MACC1: variants seen among roughly 807,000 people sequenced by gnomAD.
MACC1 encodes the protein MET transcriptional regulator MACC1.
A neutral mutation model predicts 70.7 loss-of-function variants in MACC1; 79 were observed. That is an observed-to-expected ratio of 1.12 (90% CI 0.93 to 1.35). The LOEUF is 1.35. Ranked by LOEUF, MACC1 falls within the 40% of genes most tolerant of loss-of-function variation. The pLI is 0.00. For synonymous variants in MACC1, 361 were observed against 347.2 expected (o/e 1.04, Z -0.44); for missense variants, 1,106 against 978.1 (o/e 1.13, Z -1.74).
chr7:20,178,111 A>T (rs980805802), intron 1 of MACC1, among the ~76,000 whole-genome samples: 1 of 152,130 alleles, frequency 6.6e-6, no homozygotes, highest in African/African-American at 2.4e-5. Flanking sequence ...TTAAGATCTC[A>T]GTTTACCTAC....
chr7:20,191,791 T>G (rs185816755), intron 1 of MACC1, among the ~76,000 whole-genome samples: 1 of 152,292 alleles, frequency 6.6e-6, no homozygotes, highest in Admixed American at 6.5e-5. Flanking sequence ...CTGTGCGGTA[T>G]CAGAAACCTA....
chr7:20,190,943 G>T (rs1418946591), intron 1 of MACC1, among the ~76,000 whole-genome samples: 1 of 152,228 alleles, frequency 6.6e-6, no homozygotes, highest in Non-Finnish European at 1.5e-5. Context: ...AACAAGGGAA[G>T]ATATTAAAAA....
rs761423658 is a variant in MACC1 at position 20,158,353 on chromosome 7, C to T, written c.2008G>A (p.Val670Ile). The change falls in exon 5 of 7, where the codon GTC becomes ATC. Residue 670 changes from valine to isoleucine, a missense_variant. Val to Ile is a conservative substitution (Grantham distance 29). Transcript: ENST00000400331. The stretch of plus-strand genomic sequence containing the variant: ...AGGGACAGATGTGAGTAACCCAGGA[C>T]ATCAGCTAAAACTTTCCAATCATAA... ...KVYDWKVLAD[V>I]LGYSHLSLED... The T allele has an allele frequency of 6.2e-7, 1 of 1,613,870 alleles. No homozygotes were observed. The highest frequency in any genetic ancestry group is 1.1e-5 in the South Asian group (1 of 91,040).
chr7:20,208,688 A>G (rs913234019), intron 1 of MACC1, among the ~76,000 whole-genome samples: 1 of 152,252 alleles, frequency 6.6e-6, no homozygotes, highest in Admixed American at 6.5e-5. Context: ...GAGAAATTCA[A>G]GCCTGCTGCA....
intron 1 of MACC1, among the ~76,000 whole-genome samples, chr7:20,195,766 C>T (rs1307889911): frequency 1.3e-5 from 2 of 152,124 alleles, no homozygotes; most frequent in Non-Finnish European, 2.9e-5. Context: ...TTTAATACTG[C>T]TCATCTTGAG....
At position 20,136,430 on chromosome 7, in the gene MACC1, A is replaced by T. The variant is rs1781718388; in HGVS notation, c.*4516T>A. ...TACAAAACTATTTATTAGGGTTAAA[A>T]CTTTCTAGATGTACATAAATAGAAA... is the stretch of plus-strand genomic sequence containing the variant. On this transcript the variant is annotated 3_prime_UTR_variant, in exon 7 of 7. Transcript: ENST00000400331. 6.6e-6 allele frequency: 1 copy of T among 152,232 alleles called. No homozygotes were observed. Among genetic ancestry groups the T allele is most frequent in the South Asian group, 2.1e-4 (1 of 4,832 alleles). 9.4% of individuals were successfully genotyped at this position (152,232 alleles called of 1,614,324 possible).
At chr7:20,189,884 AT>A (rs1287298593) in intron 1 of MACC1, among the ~76,000 whole-genome samples, 2 of 152,142 alleles carry the variant, frequency 1.3e-5, no homozygotes, top group African/African-American at 4.8e-5. Flanking sequence ...TTTTCTCACC[AT>A]TTTGGAAATT....
rs1168610058 is a variant in MACC1, at chr7:20,139,988, T to A, written c.*958A>T. 1 of 152,144 alleles carries A rather than the reference T, an allele frequency of 6.6e-6. No homozygotes were observed. Among genetic ancestry groups the A allele is most frequent in the Admixed American group, 6.5e-5 (1 of 15,282 alleles). The allele number at this position is 152,144 out of a possible 1,614,324, so 9.4% of individuals were successfully genotyped here. On this transcript the variant is annotated 3_prime_UTR_variant, in exon 7 of 7. Transcript: ENST00000400331. ...GGTGGTTTTTAATAACTCGTATTAT[T>A]AAAAATCTCCAAGAGCTAAAGAACT... is the stretch of plus-strand genomic sequence containing the variant.
chr7:20,205,289 T>C lies in MACC1; in HGVS notation c.-218+12010A>G, dbSNP rs548369567. Among the ~76,000 whole-genome samples, 22 of 152,302 alleles carry C rather than the reference T, an allele frequency of 1.4e-4. No individual in the cohort carries two copies. In the South Asian group the frequency reaches 1.9e-3, roughly 13 times the overall value. ...TGCTTAATTTCATACCAAAAGAACA[T>C]AGAAGTTGGAAAAAATAACTCAAAG... On this transcript the variant is annotated intron_variant, in intron 1 of 6. Transcript: ENST00000400331.
intron 1 of MACC1, among the ~76,000 whole-genome samples, chr7:20,195,518 G>T (rs1164120301): frequency 6.6e-6 from 1 of 152,220 alleles, no homozygotes; most frequent in Non-Finnish European, 1.5e-5. Flanking sequence ...TGACACATGC[G>T]TATTGAGCAA....
Position 20,159,985 on chromosome 7 carries a change from G to A in MACC1, c.376C>T (p.Leu126Phe). The A allele has an allele frequency of 6.2e-7, 1 of 1,614,050 alleles. No individual in the cohort carries two copies. The highest frequency in any genetic ancestry group is 8.5e-7 in the Non-Finnish European group (1 of 1,180,004). ...GAATTTCTTGAGGAAGTCTGCCTAA[G>A]TAACTGATGCACATCAAGTTCATCA... ...SGDELDVHQL[L>F]RQTSSRNSGR... Residue 126 changes from leucine (L) to phenylalanine (F), a missense_variant, in exon 5 of 7, where the codon CTT becomes TTT. Coordinates refer to ENST00000400331, the MANE Select transcript of MACC1 (RefSeq NM_182762.4).
At chr7:20,170,562 T>C (rs1368615704) in intron 2 of MACC1, 152 bp downstream of exon 2, 1 of 152,222 alleles carries the variant, frequency 6.6e-6, no homozygotes, top group Non-Finnish European at 1.5e-5. Flanking sequence ...AATTATTGTA[T>C]CGTTTAAAAT....
intron 1 of MACC1, among the ~76,000 whole-genome samples, chr7:20,214,523 G>A (rs1783041939): frequency 6.6e-6 from 1 of 151,986 alleles, no homozygotes; most frequent in East Asian, 1.9e-4. Context: ...ATATTTGAAA[G>A]GTTAATGTCT....
At chr7:20,145,640 A>G (rs1044156173) in intron 6 of MACC1, among the ~76,000 whole-genome samples, 1 of 152,190 alleles carries the variant, frequency 6.6e-6, no homozygotes, top group African/African-American at 2.4e-5. Flanking sequence ...ATGAGGCTTA[A>G]AGAGGTAGCA....
chr7:20,149,252 A>G (rs1781939184), intron 6 of MACC1, among the ~76,000 whole-genome samples: 1 of 152,148 alleles, frequency 6.6e-6, no homozygotes, highest in African/African-American at 2.4e-5. Flanking sequence ...CATTCTTCCT[A>G]TAGGCACTCT....
intron 1 of MACC1, among the ~76,000 whole-genome samples, chr7:20,203,824 A>T (rs1354779354): frequency 6.6e-6 from 1 of 152,150 alleles, no homozygotes; most frequent in East Asian, 1.9e-4. Flanking sequence ...TTTTCAATTT[A>T]ACAACTTGTT....
intron 6 of MACC1, among the ~76,000 whole-genome samples, chr7:20,143,800 T>C (rs538264369): frequency 1.6e-4 from 25 of 152,228 alleles, no homozygotes; most frequent in African/African-American, 6.0e-4. Flanking sequence ...TTTGAAGGTG[T>C]AAAGACTTCC....
Position 20,138,331 on chromosome 7 carries a change from C to T in MACC1, c.*2615G>A, listed in dbSNP as rs1331512116. The T allele has an allele frequency of 6.6e-6, 1 of 152,014 alleles. No homozygotes were observed. Among genetic ancestry groups the T allele is most frequent in the Non-Finnish European group, 1.5e-5 (1 of 68,012 alleles). 9.4% of individuals were successfully genotyped at this position (152,014 alleles called of 1,614,324 possible). A position where few individuals can be genotyped will look rare whatever the true frequency, so the allele number is the denominator to read the frequency against. ...TCAATCACAATCATAATACATGATG[C>T]AATGTAAACCTTAAATTATTTATTT... On this transcript the variant is annotated 3_prime_UTR_variant, in exon 7 of 7. Coordinates refer to ENST00000400331, the MANE Select transcript of MACC1 (RefSeq NM_182762.4).
In MACC1 at chr7:20,136,843, TATTA is replaced by T. The variant is rs1228185692; in HGVS notation, c.*4099_*4102del. On this transcript the variant is annotated 3_prime_UTR_variant, in exon 7 of 7. Transcript: ENST00000400331. The stretch of plus-strand genomic sequence containing the variant: ...CTTAAAGATTAAGATTATTATTAAT[TATTA>T]ATTGTAATTATTAATTCTTAAAGAT... 2 of 149,314 alleles carry T rather than the reference TATTA, an allele frequency of 1.3e-5. No homozygotes were observed. The highest frequency in any genetic ancestry group is 4.9e-5 in the African/African-American group (2 of 41,014). 9.2% of individuals were successfully genotyped at this position (149,314 alleles called of 1,614,324 possible).
Sources: gnomAD v4.1 joint callset for allele counts (sites outside exome capture counted in the v4.1 genomes callset) on GRCh38, gnomAD v4.1.1 for gene constraint, MANE v1.5 for transcripts, NCBI Gene and HGNC (gene_info 2026-07-23, HGNC 2026-07-21) for gene names.